Variants in CNTNAP3 observed in about 807,000 individuals in gnomAD.
CNTNAP3 encodes the protein contactin-associated protein-like 3.
Under a neutral mutation model 92.1 loss-of-function variants are expected in CNTNAP3, and 36 were observed. That is an observed-to-expected ratio of 0.39 (90% CI 0.30 to 0.52). The LOEUF is 0.52. CNTNAP3 is among the 20% of genes least tolerant of loss of function. The probability of loss-of-function intolerance (pLI) is 0.76; values close to 1 mark genes in which losing one functional copy is unlikely to be tolerated. For synonymous variants in CNTNAP3, 232 were observed against 422.3 expected, an observed-to-expected ratio of 0.55 and a Z score of 5.53; for missense variants, 534 against 1,069.6, an observed-to-expected ratio of 0.50 and a Z score of 6.98.
At chr9:39,135,499 G>A (rs554790502) in intron 12 of CNTNAP3, among the ~76,000 whole-genome samples, 73 of 152,222 alleles carry the variant, frequency 4.8e-4, no homozygotes, top group African/African-American at 1.7e-3. Flanking sequence ...ACTGTAACAC[G>A]TTGATCCCTG....
chr9:39,118,236 C>A lies in CNTNAP3; in HGVS notation c.2104G>T (p.Val702Phe), dbSNP rs759569037. Residue 702 changes from valine (V) to phenylalanine (F), a missense_variant, in exon 14 of 24, where the codon GTT becomes TTT. Val to Phe is a conservative substitution (Grantham distance 50). Transcript: ENST00000297668. ...GTGTGTGTTTCATTGGTTCTTCCAA[C>A]CCACCAGCTCAGTGGGGTTCCATCT... ...SRDGTPLSWW[V>F]GRTNETHTSW... 1.9e-6 allele frequency: 3 copies of A among 1,611,390 alleles called. No individual in the cohort carries two copies. The highest frequency in any genetic ancestry group is 2.5e-6 in the Non-Finnish European group (3 of 1,179,342).
intron 13 of CNTNAP3, among the ~76,000 whole-genome samples, chr9:39,124,129 A>G (rs1821101163): frequency 6.6e-6 from 1 of 152,102 alleles, no homozygotes; most frequent in African/African-American, 2.4e-5. Flanking sequence ...ATGAATGATA[A>G]TAATGTAATA....
rs929279212 is a variant in CNTNAP3 at position 39,086,823 on chromosome 9, C to T, written c.3247G>A (p.Asp1083Asn). 25 of 1,607,868 alleles carry T rather than the reference C, an allele frequency of 1.6e-5. No individual in the cohort carries two copies. The African/African-American group carries it at 3.1e-4, about 20-fold the overall frequency. ...AATGCATCAGGATTTTGATGTCTATCTAGCTTGTACCTAATCTGCAAACTT... is the reference window on the plus strand; with the variant it reads ...AATGCATCAGGATTTTGATGTCTATTTAGCTTGTACCTAATCTGCAAACTT... ...NGSLQIRYKL[D>N]RHQNPDAFTF... Residue 1083 changes from aspartate to asparagine, a missense_variant, in exon 20 of 24, where the codon GAT (aspartate) becomes AAT (asparagine). Coordinates refer to ENST00000297668, the MANE Select transcript of CNTNAP3 (RefSeq NM_033655.5).
chr9:39,097,707 T>C (rs1826358628), intron 18 of CNTNAP3, among the ~76,000 whole-genome samples: 1 of 145,600 alleles, frequency 6.9e-6, no homozygotes, highest in Non-Finnish European at 1.5e-5. Flanking sequence ...GCTTCTTGGC[T>C]ATATCCATAT....
intron 23 of CNTNAP3, among the ~76,000 whole-genome samples, chr9:39,075,544 G>A (rs1825738627): frequency 6.6e-6 from 1 of 152,298 alleles, no homozygotes. Flanking sequence ...AATGGAGGAA[G>A]AGCTCTCTAG....
At chr9:39,267,591 C>CT (rs939539072) in intron 1 of CNTNAP3, among the ~76,000 whole-genome samples, 1 of 58,160 alleles carries the variant, frequency 1.7e-5, no homozygotes, top group Non-Finnish European at 3.4e-5. Flanking sequence ...AAAGCCCACT[C>CT]TGTAGACCCC....
chr9:39,117,418 T>G (rs1269210654), intron 14 of CNTNAP3, among the ~76,000 whole-genome samples: 1 of 152,130 alleles, frequency 6.6e-6, no homozygotes, highest in Non-Finnish European at 1.5e-5. Flanking sequence ...AGAAAACCAA[T>G]ATGCATTTCA....
intron 21 of CNTNAP3, among the ~76,000 whole-genome samples, chr9:39,079,684 C>T (rs1324879252): frequency 4.1e-5 from 4 of 97,370 alleles, no homozygotes; most frequent in Admixed American, 1.9e-4. Context: ...TTCTTTTTTT[C>T]CTTTTATTTT....
At chr9:39,075,047 C>T (rs565893110) in intron 23 of CNTNAP3, among the ~76,000 whole-genome samples, 3 of 152,386 alleles carry the variant, frequency 2.0e-5, no homozygotes, top group South Asian at 4.1e-4. Flanking sequence ...GGATTACAGG[C>T]GTGAGCCACC....
rs1165345205 is a variant in CNTNAP3 at position 39,079,759 on chromosome 9, C to T, written c.3443-839G>A. On this transcript the variant is annotated intron_variant, in intron 21 of 23. Coordinates refer to ENST00000297668, the MANE Select transcript of CNTNAP3 (RefSeq NM_033655.5). Reference sequence around the variant, plus strand: ...TTTTGTGAGTTTGAGAGCTCAACTTCCCTAGCCCTCACAATCAAAATCATG... The same window carrying T: ...TTTTGTGAGTTTGAGAGCTCAACTTTCCTAGCCCTCACAATCAAAATCATG... 3.6e-4 allele frequency among the ~76,000 whole-genome samples: 45 copies of T among 123,370 alleles called. 4 individuals are homozygous for T. Among genetic ancestry groups the T allele is most frequent in the African/African-American group, 1.5e-3 (43 of 27,816 alleles). The allele number at this position is 123,370 out of a possible 152,430, so 80.9% of individuals were successfully genotyped here.
At chr9:39,101,568 C>T (rs1826456100) in intron 17 of CNTNAP3, among the ~76,000 whole-genome samples, 1 of 140,310 alleles carries the variant, frequency 7.1e-6, no homozygotes, top group Non-Finnish European at 1.6e-5. Context: ...TGAGCCAGAC[C>T]AGGTTATAAA....
At chr9:39,088,004 T>C (rs1826101908) in intron 19 of CNTNAP3, among the ~76,000 whole-genome samples, 1 of 152,218 alleles carries the variant, frequency 6.6e-6, no homozygotes, top group Non-Finnish European at 1.5e-5. Flanking sequence ...ATCTGTTGCT[T>C]ATAGGAATTG....
In CNTNAP3 at chr9:39,140,589, A is replaced by T. The variant is rs558830923; in HGVS notation, c.1806T>A (p.Ser602=). The T allele has an allele frequency of 1.9e-6, 3 of 1,613,626 alleles. No individual in the cohort carries two copies. The highest frequency in any genetic ancestry group is 2.5e-6 in the Non-Finnish European group (3 of 1,179,728). ...CATCTGCATCAATATAGTAAAGCCC[A>T]GACGGGTTCCCTCGGTGCTTGTGGG... is the stretch of plus-strand genomic sequence containing the variant. ...CEAHKHRGNP[S]GLYYIDADGS... Residue 602 remains serine (S), a synonymous_variant, in exon 12 of 24, where the codon TCT becomes TCA. Transcript: ENST00000297668.
intron 10 of CNTNAP3, among the ~76,000 whole-genome samples, chr9:39,146,521 T>TA (rs1219107484): frequency 3.3e-5 from 5 of 149,880 alleles, no homozygotes; most frequent in Non-Finnish European, 7.5e-5. Flanking sequence ...AACCCCGTCT[T>TA]TACTAAAAAT....
chr9:39,287,135 C>T lies in CNTNAP3; in HGVS notation c.85+845G>A, dbSNP rs1460092911. Among the ~76,000 whole-genome samples, 4 of 59,318 alleles carry T rather than the reference C, an allele frequency of 6.7e-5. 2 individuals are homozygous for T. The highest frequency in any genetic ancestry group is 2.0e-4 in the Non-Finnish European group (4 of 19,792). 38.9% of individuals were successfully genotyped at this position (59,318 alleles called of 152,430 possible). On this transcript the variant is annotated intron_variant, in intron 1 of 23. Transcript: ENST00000297668. ...TACTCCAAGCCAAAAAAAAAATGTG[C>T]AATGTTGTGTAAACATTTTTATGTG...
intron 9 of CNTNAP3, among the ~76,000 whole-genome samples, chr9:39,152,630 T>C (rs1445468694): frequency 7.1e-6 from 1 of 141,230 alleles, no homozygotes; most frequent in Admixed American, 6.9e-5. Context: ...TCTTTCACCA[T>C]GTGGTGTTTC....
intron 3 of CNTNAP3, among the ~76,000 whole-genome samples, chr9:39,209,654 C>CTCCCCCT (rs1822597168): frequency 1.6e-5 from 1 of 61,440 alleles, no homozygotes; most frequent in Non-Finnish European, 3.1e-5. Flanking sequence ...TCCCTTCTCC[C>CTCCCCCT]TCCCCCTTCC....
intron 12 of CNTNAP3, among the ~76,000 whole-genome samples, chr9:39,136,673 G>C (rs1375905305): frequency 6.6e-6 from 1 of 152,120 alleles, no homozygotes; most frequent in East Asian, 1.9e-4. Context: ...GGCTGAGGTG[G>C]GTGGATCACC....
In CNTNAP3 at chr9:39,065,916, CTT is replaced by C. The variant is rs1203285910; in HGVS notation, c.*7972_*7973del. ...TTTTCTCCCAGTCTGTAGCTTGACT[CTT>C]ATTCTCTTAACAATGTATTTTAAAA... On this transcript the variant is annotated 3_prime_UTR_variant, in exon 24 of 24. Transcript: ENST00000297668. Among the ~76,000 whole-genome samples the C allele has an allele frequency of 1.3e-5, 2 of 152,160 alleles. No homozygotes were observed. Among genetic ancestry groups the C allele is most frequent in the Non-Finnish European group, 2.9e-5 (2 of 68,010 alleles).
Sources: allele counts gnomAD v4.1 joint callset (sites outside exome capture counted in the v4.1 genomes callset), GRCh38; gene constraint gnomAD v4.1.1; transcripts MANE v1.5; gene names NCBI Gene and HGNC (gene_info 2026-07-23, HGNC 2026-07-21).